The following MTMR7 variants were observed in gnomAD, a reference collection of about 807,000 sequenced individuals.
MTMR7 encodes phosphatidylinositol-3-phosphate phosphatase MTMR7.
A neutral mutation model predicts 81.2 loss-of-function variants in MTMR7; 76 were observed. That is an observed-to-expected ratio of 0.94 (90% CI 0.78 to 1.13). The LOEUF (loss-of-function observed/expected upper bound fraction) is 1.13. Ranked by LOEUF, MTMR7 falls within the 50% of genes most tolerant of loss-of-function variation. MTMR7 has a pLI of 0.00. For missense variants in MTMR7, 1,044 were observed against 820.0 expected, an observed-to-expected ratio of 1.27 and a Z score of -3.34; for synonymous variants, 372 against 289.8, an observed-to-expected ratio of 1.28 and a Z score of -2.88.
Position 17,373,130 on chromosome 8 carries a change from T to C in MTMR7, c.135A>G (p.Arg45=). 1 of 1,613,854 alleles carries C rather than the reference T, an allele frequency of 6.2e-7. No individual in the cohort carries two copies. The highest frequency in any genetic ancestry group is 8.5e-7 in the Non-Finnish European group (1 of 1,179,858). ...AAAGAAAGCATACCCATGTTTCTTTTCTTGGGTCAGGTGAATTTTCCACGA... is the reference window on the plus strand; with the variant it reads ...AAAGAAAGCATACCCATGTTTCTTTCCTTGGGTCAGGTGAATTTTCCACGA... ...VIFVENSPDP[R]KETWILHSQI... Residue 45 remains arginine, a synonymous_variant, in exon 2 of 14, where the codon AGA becomes AGG. Coordinates refer to ENST00000180173, the MANE Select transcript of MTMR7 (RefSeq NM_004686.5).
chr8:17,411,033 T>A (rs1340834108), intron 1 of MTMR7, among the ~76,000 whole-genome samples: 2 of 152,196 alleles, frequency 1.3e-5, no homozygotes, highest in Non-Finnish European at 2.9e-5. Context: ...AAGATGAATA[T>A]GACCAGTAAC....
chr8:17,410,655 C>T (rs1821713153), intron 1 of MTMR7, among the ~76,000 whole-genome samples: 1 of 152,160 alleles, frequency 6.6e-6, no homozygotes, highest in South Asian at 2.1e-4. Context: ...CTGTTAAAGG[C>T]TTCAGTTAAA....
In MTMR7 at chr8:17,361,187, C is replaced by G; in HGVS notation, c.398G>C (p.Ser133Thr). The G allele has an allele frequency of 6.2e-7, 1 of 1,614,194 alleles. No homozygotes were observed. Among genetic ancestry groups the G allele is most frequent in the Non-Finnish European group, 8.5e-7 (1 of 1,180,008 alleles). The change falls in exon 4 of 14, where the codon AGT becomes ACT. Residue 133 changes from serine (S) to threonine (T), a missense_variant. Physicochemically the swap from Ser to Thr is moderately conservative, Grantham distance 58. Transcript: ENST00000180173. ...GAGGCCCATCCGCGTGTATTCTTCA[C>G]TAAGATCGATCAGCACCCAGCCTTG... is the stretch of plus-strand genomic sequence containing the variant. ...REQGWVLIDL[S>T]EEYTRMGLPN...
intron 1 of MTMR7, among the ~76,000 whole-genome samples, chr8:17,378,328 C>T (rs1184058108): frequency 2.6e-5 from 4 of 152,082 alleles, no homozygotes; most frequent in Admixed American, 6.5e-5. Context: ...GTCTTAGAAA[C>T]GTTATGAAGT....
At chr8:17,376,618 G>T (rs1014728561) in intron 1 of MTMR7, among the ~76,000 whole-genome samples, 21 of 151,856 alleles carry the variant, frequency 1.4e-4, no homozygotes, top group African/African-American at 4.6e-4. Context: ...CTCTTTTTTT[G>T]ATTATAGTCA....
rs1250565794 is a variant in MTMR7 at position 17,413,316 on chromosome 8, C to T, written c.-24G>A. The T allele has an allele frequency of 3.9e-6, 6 of 1,529,980 alleles. No individual in the cohort carries two copies. Among genetic ancestry groups the T allele is most frequent in the Middle Eastern group, 1.7e-4 (1 of 5,820 alleles). 94.8% of individuals were successfully genotyped at this position (1,529,980 alleles called of 1,614,324 possible). A position where few individuals can be genotyped will look rare whatever the true frequency, so the allele number is the denominator to read the frequency against. ...ATGGCTGGCCCACGTCTGCAGGGTC[C>T]CGGGCGGGCGCGGCCTCACGCACCT... is the stretch of plus-strand genomic sequence containing the variant. On this transcript the variant is annotated 5_prime_UTR_variant, in exon 1 of 14. Coordinates refer to ENST00000180173, the MANE Select transcript of MTMR7 (RefSeq NM_004686.5).
At chr8:17,318,330 C>T (rs1818206378) in intron 7 of MTMR7, among the ~76,000 whole-genome samples, 2 of 152,026 alleles carry the variant, frequency 1.3e-5, no homozygotes, top group Non-Finnish European at 2.9e-5. Flanking sequence ...TCTGTGGAGT[C>T]CACAGAAAAA....
At chr8:17,373,571 A>T (rs982304311) in intron 1 of MTMR7, among the ~76,000 whole-genome samples, 1 of 152,194 alleles carries the variant, frequency 6.6e-6, no homozygotes, top group Non-Finnish European at 1.5e-5. Context: ...TTTAAAGCAG[A>T]AAGTGTATGT....
intron 6 of MTMR7, among the ~76,000 whole-genome samples, chr8:17,340,345 G>A (rs968289682): frequency 6.6e-6 from 1 of 152,246 alleles, no homozygotes; most frequent in African/African-American, 2.4e-5. Flanking sequence ...CATACAAGGA[G>A]ACAGAACTGG....
intron 3 of MTMR7, among the ~76,000 whole-genome samples, chr8:17,369,829 T>C (rs1820357239): frequency 6.6e-6 from 1 of 151,836 alleles, no homozygotes; most frequent in Non-Finnish European, 1.5e-5. Context: ...GTATTTTTAG[T>C]AGAGACGGGG....
At chr8:17,321,106 A>G (rs1211071746) in intron 7 of MTMR7, among the ~76,000 whole-genome samples, 1 of 152,218 alleles carries the variant, frequency 6.6e-6, no homozygotes, top group Non-Finnish European at 1.5e-5. Context: ...ATACCTTGGC[A>G]TCTAAGCTCT....
At chr8:17,345,470 C>T (rs756605074) in intron 5 of MTMR7, among the ~76,000 whole-genome samples, 20 of 152,232 alleles carry the variant, frequency 1.3e-4, no homozygotes, top group Non-Finnish European at 2.2e-4. Flanking sequence ...TCATGTGCCC[C>T]TTCATGGGCT....
chr8:17,318,798 G>A (rs1214806247), intron 7 of MTMR7, among the ~76,000 whole-genome samples: 1 of 152,118 alleles, frequency 6.6e-6, no homozygotes, highest in Non-Finnish European at 1.5e-5. Flanking sequence ...TGCCCCCCAG[G>A]GACAGCTGAC....
At chr8:17,336,566 T>C (rs1819243118) in intron 6 of MTMR7, among the ~76,000 whole-genome samples, 1 of 152,148 alleles carries the variant, frequency 6.6e-6, no homozygotes, top group African/African-American at 2.4e-5. Flanking sequence ...TACTCACTAA[T>C]TCCAGAGAAA....
chr8:17,408,638 A>T (rs1049906463), intron 1 of MTMR7, among the ~76,000 whole-genome samples: 46 of 152,266 alleles, frequency 3.0e-4, no homozygotes, highest in African/African-American at 1.1e-3. Context: ...AGGTAACAGA[A>T]AGCAAGCTGA....
intron 9 of MTMR7, among the ~76,000 whole-genome samples, chr8:17,311,288 T>A (rs1035584180): frequency 5.3e-5 from 8 of 152,224 alleles, no homozygotes; most frequent in African/African-American, 1.9e-4. Flanking sequence ...TAGCATTGAC[T>A]TGAAATGGTT....
intron 13 of MTMR7, among the ~76,000 whole-genome samples, chr8:17,300,650 T>C (rs1197199236): frequency 6.6e-6 from 1 of 152,238 alleles, no homozygotes; most frequent in East Asian, 1.9e-4. Flanking sequence ...TTTTAAAGTA[T>C]ACAATTCAGT....
intron 7 of MTMR7, among the ~76,000 whole-genome samples, chr8:17,321,127 C>G (rs1818369815): frequency 6.6e-6 from 1 of 152,148 alleles, no homozygotes. Flanking sequence ...GACGCTTAGC[C>G]CAGGAACAAA....
At chr8:17,352,121 A>AC (rs1819746857) in intron 4 of MTMR7, among the ~76,000 whole-genome samples, 1 of 152,164 alleles carries the variant, frequency 6.6e-6, no homozygotes, top group Admixed American at 6.5e-5. Context: ...TTCTCCAGGG[A>AC]CCCCAAATAG....
Sources: allele counts gnomAD v4.1 joint callset (sites outside exome capture counted in the v4.1 genomes callset), GRCh38; gene constraint gnomAD v4.1.1; transcripts MANE v1.5; gene names NCBI Gene and HGNC (gene_info 2026-07-23, HGNC 2026-07-21).